The following ANO3 variants were observed in gnomAD, a reference collection of about 807,000 sequenced individuals.
ANO3 encodes the protein anoctamin-3.
ANO3 carries 99 observed loss-of-function variants against 144.8 expected under a neutral mutation model. The observed-to-expected ratio is 0.68, with a 90% CI of 0.58 to 0.81. The LOEUF is 0.81. ANO3 is among the 30% of genes least tolerant of loss of function. The pLI is 0.00. For missense variants in ANO3, 905 were observed against 1,202.2 expected (o/e 0.75, Z 3.66); for synonymous variants, 414 against 392.6 (o/e 1.05, Z -0.64).
chr11:26,453,836 C>G (rs1859043325), intron 3 of ANO3, among the ~76,000 whole-genome samples: 1 of 152,010 alleles, frequency 6.6e-6, no homozygotes, highest in African/African-American at 2.4e-5. Context: ...GGAAGTAAAG[C>G]ACCCCTCAGC....
chr11:26,532,782 C>T (rs1293230849), intron 8 of ANO3, among the ~76,000 whole-genome samples: 1 of 152,140 alleles, frequency 6.6e-6, no homozygotes, highest in Non-Finnish European at 1.5e-5. Context: ...CTCCAAGAGA[C>T]TGGCTCTGAA....
At chr11:26,279,239 G>A (rs1853624582) in intron 1 of ANO3, among the ~76,000 whole-genome samples, 1 of 152,040 alleles carries the variant, frequency 6.6e-6, no homozygotes, top group Non-Finnish European at 1.5e-5. Context: ...CAGAGAAATT[G>A]AACATGCTTC....
intron 3 of ANO3, among the ~76,000 whole-genome samples, chr11:26,453,012 T>C (rs975976509): frequency 6.6e-6 from 1 of 151,932 alleles, no homozygotes; most frequent in Non-Finnish European, 1.5e-5. Context: ...TAAAATACTT[T>C]ACAGACAAGC....
intron 1 of ANO3, among the ~76,000 whole-genome samples, chr11:26,300,364 T>C (rs1175083742): frequency 6.6e-6 from 1 of 152,026 alleles, no homozygotes; most frequent in African/African-American, 2.4e-5. Context: ...TCTCATTTGC[T>C]CTCCCTCTCT....
intron 1 of ANO3, among the ~76,000 whole-genome samples, chr11:26,418,656 G>A (rs1181802349): frequency 6.6e-6 from 1 of 152,096 alleles, no homozygotes; most frequent in African/African-American, 2.4e-5. Flanking sequence ...CTTCCATGAA[G>A]CAGGCAGGGA....
At chr11:26,531,404 A>G in intron 8 of ANO3, 68 bp downstream of exon 8, 1 of 1,497,880 alleles carries the variant, frequency 6.7e-7, no homozygotes, top group South Asian at 1.3e-5. Flanking sequence ...TAGAATAAAA[A>G]CACCTGGGAC....
intron 1 of ANO3, among the ~76,000 whole-genome samples, chr11:26,373,069 A>G (rs1011967238): frequency 1.3e-5 from 2 of 152,226 alleles, no homozygotes; most frequent in Non-Finnish European, 2.9e-5. Context: ...AGATTTATAC[A>G]TATGAATGCA....
At chr11:26,509,043 C>G (rs1338101949) in intron 5 of ANO3, among the ~76,000 whole-genome samples, 1 of 150,664 alleles carries the variant, frequency 6.6e-6, no homozygotes, top group East Asian at 1.9e-4. Context: ...AAATTTTACA[C>G]AAAATTAGCC....
At chr11:26,223,424 G>A (rs1233975263) in intron 1 of ANO3, among the ~76,000 whole-genome samples, 1 of 151,894 alleles carries the variant, frequency 6.6e-6, no homozygotes, top group South Asian at 2.1e-4. Flanking sequence ...CACTTAACAA[G>A]TCTCTAGGAA....
chr11:26,643,726 C>CA (rs71047870), intron 23 of ANO3, among the ~76,000 whole-genome samples: 7 of 149,878 alleles, frequency 4.7e-5, no homozygotes, highest in South Asian at 2.1e-4. Context: ...AACTCCCTCT[C>CA]AAAAAAAAAA....
At chr11:26,309,959 C>T (rs1261354977) in intron 1 of ANO3, among the ~76,000 whole-genome samples, 2 of 152,154 alleles carry the variant, frequency 1.3e-5, no homozygotes, top group Admixed American at 6.5e-5. Flanking sequence ...ATGTCTCATA[C>T]AAGAGCTCAC....
chr11:26,542,121 G>A, intron 11 of ANO3, 53 bp downstream of exon 11: 5 of 1,562,576 alleles, frequency 3.2e-6, no homozygotes, highest in Non-Finnish European at 4.3e-6. Context: ...TTGTGTCATT[G>A]TCTTAGACTT....
intron 1 of ANO3, among the ~76,000 whole-genome samples, chr11:26,209,167 C>T (rs1851879401): frequency 6.6e-6 from 1 of 152,086 alleles, no homozygotes; most frequent in African/African-American, 2.4e-5. Context: ...CTTGACAGGC[C>T]CCAGTGCATA....
intron 11 of ANO3, among the ~76,000 whole-genome samples, chr11:26,545,346 A>G (rs1390115157): frequency 1.3e-5 from 2 of 152,058 alleles, no homozygotes; most frequent in Admixed American, 1.3e-4. Flanking sequence ...GATACAGGCA[A>G]TTCCTTTTGT....
At chr11:26,620,910 G>A (rs894492168) in intron 17 of ANO3, among the ~76,000 whole-genome samples, 1 of 152,144 alleles carries the variant, frequency 6.6e-6, no homozygotes, top group African/African-American at 2.4e-5. Flanking sequence ...CTCATAAGAG[G>A]ATTGGCTTTT....
At chr11:26,377,377 A>G (rs993360588) in intron 1 of ANO3, among the ~76,000 whole-genome samples, 1 of 152,130 alleles carries the variant, frequency 6.6e-6, no homozygotes, top group African/African-American at 2.4e-5. Context: ...AAGGAATTTG[A>G]AAAGGAACCA....
intron 1 of ANO3, among the ~76,000 whole-genome samples, chr11:26,408,213 G>A (rs1367991199): frequency 3.3e-5 from 5 of 151,926 alleles, no homozygotes; most frequent in Admixed American, 6.6e-5. Flanking sequence ...CAAAATTTTT[G>A]CAACCTACTC....
At chr11:26,256,901 A>G (rs1411204071) in intron 1 of ANO3, among the ~76,000 whole-genome samples, 1 of 152,106 alleles carries the variant, frequency 6.6e-6, no homozygotes, top group Non-Finnish European at 1.5e-5. Flanking sequence ...GGTTGTTACC[A>G]CAGGAAAGGC....
At chr11:26,383,206 T>G (rs1008786076) in intron 1 of ANO3, among the ~76,000 whole-genome samples, 33 of 152,132 alleles carry the variant, frequency 2.2e-4, no homozygotes, top group Non-Finnish European at 2.2e-4. Context: ...GAGATAGATA[T>G]TAATAATAAA....
Sources: gnomAD v4.1 joint callset for allele counts (sites outside exome capture counted in the v4.1 genomes callset) on GRCh38, gnomAD v4.1.1 for gene constraint, MANE v1.5 for transcripts, NCBI Gene and HGNC (gene_info 2026-07-23, HGNC 2026-07-21) for gene names.